Variants in PHF2 observed in about 807,000 individuals in gnomAD.
PHF2 encodes the protein lysine-specific demethylase PHF2.
Under a neutral mutation model 120.5 loss-of-function variants are expected in PHF2, and 27 were observed. The observed-to-expected ratio is 0.22, with a 90% confidence interval of 0.17 to 0.31. PHF2 has a LOEUF of 0.31. Among genes scored for constraint, PHF2 ranks in the 10% least tolerant of loss-of-function variants. The probability of loss-of-function intolerance (pLI) is 1.00; values close to 1 mark genes in which losing one functional copy is unlikely to be tolerated. For missense variants in PHF2, 1,024 were observed against 1,434.8 expected (o/e 0.71, Z 4.63); for synonymous variants, 568 against 592.5 (o/e 0.96, Z 0.60).
intron 1 of PHF2, among the ~76,000 whole-genome samples, chr9:93,617,207 C>T (rs1185373382): frequency 6.6e-6 from 1 of 152,134 alleles, no homozygotes; most frequent in African/African-American, 2.4e-5. Context: ...AACCCCTAGC[C>T]CACTCAAGTC....
chr9:93,665,537 T>C, intron 14 of PHF2, 149 bp from the exon 15 acceptor site: 1 of 819,544 alleles, frequency 1.2e-6, no homozygotes, highest in Non-Finnish European at 1.9e-6. Context: ...CTGAGGCTTC[T>C]TCGGATGGAA....
At chr9:93,639,870 C>CT (rs1462196519) in intron 3 of PHF2, among the ~76,000 whole-genome samples, 2 of 152,210 alleles carry the variant, frequency 1.3e-5, no homozygotes, top group Non-Finnish European at 2.9e-5. Context: ...GGCTGCAGCA[C>CT]TTGGGAGTGG....
Position 93,656,881 on chromosome 9 carries a change from A to G in PHF2, c.1147+286A>G, listed in dbSNP as rs1402183319. Among the ~76,000 whole-genome samples, 1 of 152,120 alleles carries G rather than the reference A, an allele frequency of 6.6e-6. No individual in the cohort carries two copies. Among genetic ancestry groups the G allele is most frequent in the South Asian group, 2.1e-4 (1 of 4,828 alleles). On this transcript the variant is annotated intron_variant, in intron 9 of 21. Coordinates refer to ENST00000359246, the MANE Select transcript of PHF2 (RefSeq NM_005392.4). The surrounding 1 kb of genome is among the most constrained non-coding windows in gnomAD (Gnocchi z 4.1). ...GTGCATGGCCTCAGTGCAGGTATCA[A>G]TCACACCTGCTCCACCCTCCACACT...
intron 1 of PHF2, among the ~76,000 whole-genome samples, chr9:93,604,846 T>A (rs1175811900): frequency 6.6e-6 from 1 of 150,530 alleles, no homozygotes; most frequent in African/African-American, 2.5e-5. Flanking sequence ...GCCTTTTTTT[T>A]AGCATTTCCT....
At chr9:93,655,023 A>G (rs1015257769) in intron 7 of PHF2, among the ~76,000 whole-genome samples, 1 of 152,212 alleles carries the variant, frequency 6.6e-6, no homozygotes, top group Non-Finnish European at 1.5e-5. Context: ...ATAGTAGGGG[A>G]CATTTTGAGT....
intron 17 of PHF2, among the ~76,000 whole-genome samples, chr9:93,671,960 T>C (rs1418495808): frequency 9.5e-5 from 5 of 52,660 alleles, no homozygotes; most frequent in Non-Finnish European, 1.9e-4. Context: ...GGGAGTAGGG[T>C]CAGGTGTAGA....
In PHF2 at chr9:93,588,352, T is replaced by C. The variant is rs114986180; in HGVS notation, c.98+11481T>C. On this transcript the variant is annotated intron_variant, in intron 1 of 21. Transcript: ENST00000359246. ...GAGGGGAGCAGCTCCAGGTGAGCTC[T>C]GGAGTCAGCTAGGGTGAGAGGTCCG... 8.6e-3 allele frequency among the ~76,000 whole-genome samples: 1,305 copies of C among 152,308 alleles called. 10 individuals are homozygous for C. The highest frequency in any genetic ancestry group is 0.029 in the African/African-American group (1,218 of 41,558).
intron 3 of PHF2, among the ~76,000 whole-genome samples, chr9:93,640,922 T>G (rs1826163025): frequency 6.6e-6 from 1 of 152,216 alleles, no homozygotes; most frequent in Non-Finnish European, 1.5e-5. Context: ...TCTAGTTTGT[T>G]TGTTTGTTTT....
chr9:93,679,182 C>G lies in PHF2; in HGVS notation c.*1506C>G, dbSNP rs1338802268. 1.1e-5 allele frequency: 5 copies of G among 453,778 alleles called. No individual in the cohort carries two copies. The highest frequency in any genetic ancestry group is 2.2e-5 in the Non-Finnish European group (5 of 226,382). The allele number at this position is 453,778 out of a possible 1,614,324, so 28.1% of individuals were successfully genotyped here. A position where few individuals can be genotyped will look rare whatever the true frequency, so the allele number is the denominator to read the frequency against. On this transcript the variant is annotated 3_prime_UTR_variant, in exon 22 of 22. Transcript: ENST00000359246. ...TGAGCTTTGTTTATATACCCATTAC[C>G]TGGATGTTTTTGTCCACTGGGAGAG...
At chr9:93,653,969 C>T (rs1180937144) in intron 6 of PHF2, among the ~76,000 whole-genome samples, 3 of 152,134 alleles carry the variant, frequency 2.0e-5, no homozygotes, top group African/African-American at 7.2e-5. Flanking sequence ...TCAGAACCTG[C>T]CTTGGCCCCA....
At chr9:93,676,278 G>T (rs939710702) in intron 20 of PHF2, among the ~76,000 whole-genome samples, 1 of 152,210 alleles carries the variant, frequency 6.6e-6, no homozygotes, top group Non-Finnish European at 1.5e-5. Flanking sequence ...GAAGTTATTA[G>T]GATCAAAGTG....
intron 1 of PHF2, among the ~76,000 whole-genome samples, chr9:93,620,281 A>G (rs1001177264): frequency 6.6e-6 from 1 of 151,944 alleles, no homozygotes; most frequent in Non-Finnish European, 1.5e-5. Flanking sequence ...GACCGTCCTC[A>G]CCCACTTCCC....
In PHF2 at chr9:93,676,953, C is replaced by T. The variant is rs201060871; in HGVS notation, c.3192C>T (p.Thr1064=). ...CCGCATCGTCTCCAAACAACAACAC[C>T]GCTGCCAAAGGTACTGTGCCTGCTG... ...RPSASSPNNN[T]AAKGKRTKKG... Residue 1064 remains threonine, a synonymous_variant, in exon 21 of 22, where the codon ACC becomes ACT. Coordinates refer to ENST00000359246, the MANE Select transcript of PHF2 (RefSeq NM_005392.4). The T allele has an allele frequency of 3.8e-5, 59 of 1,554,160 alleles. No individual in the cohort carries two copies. Among genetic ancestry groups the T allele is most frequent in the Admixed American group, 3.0e-4 (16 of 53,256 alleles).
At chr9:93,597,021 C>T (rs1324968148) in intron 1 of PHF2, among the ~76,000 whole-genome samples, 2 of 150,910 alleles carry the variant, frequency 1.3e-5, no homozygotes, top group African/African-American at 4.9e-5. Context: ...AGCTCTGCCT[C>T]CCCAGTTCAT....
chr9:93,660,457 A>C lies in PHF2; in HGVS notation c.1595A>C (p.Lys532Thr). 6.3e-7 allele frequency: 1 copy of C among 1,582,386 alleles called. No homozygotes were observed. Among genetic ancestry groups the C allele is most frequent in the Non-Finnish European group, 8.6e-7 (1 of 1,164,806 alleles). Residue 532 changes from lysine to threonine, a missense_variant, in exon 12 of 22, where the codon AAG becomes ACG. Physicochemically the swap from Lys to Thr is moderately conservative, Grantham distance 78. This residue lies in a region of PHF2 where 677 missense variants were observed against 857.4 expected (regional missense o/e 0.79). Coordinates refer to ENST00000359246, the MANE Select transcript of PHF2 (RefSeq NM_005392.4). ...KLKDGGKKKGKKSRESASPTI... is the reference protein window; with the variant it reads ...KLKDGGKKKGTKSRESASPTI... ...AAAGATGGAGGCAAGAAGAAAGGGA[A>C]GAAGTCCCGGGAGTCAGCCTCACCC... is the stretch of plus-strand genomic sequence containing the variant.
chr9:93,594,479 G>A (rs1238226267), intron 1 of PHF2, among the ~76,000 whole-genome samples: 2 of 152,198 alleles, frequency 1.3e-5, no homozygotes, highest in African/African-American at 2.4e-5. Flanking sequence ...ACTTCCCAGA[G>A]CAGCAGGGCG....
In PHF2 at chr9:93,671,253, T is replaced by C. The variant is rs1587721070; in HGVS notation, c.2349-2332T>C. ...GTGTGGGAGTAGGCACAGGTGTAGATGCAGGTGCGGGTGTGGGAGTAGGCA... is the reference window on the plus strand; with the variant it reads ...GTGTGGGAGTAGGCACAGGTGTAGACGCAGGTGCGGGTGTGGGAGTAGGCA... On this transcript the variant is annotated intron_variant, in intron 17 of 21. Transcript: ENST00000359246. 8.5e-6 allele frequency: 8 copies of C among 936,738 alleles called. No individual in the cohort carries two copies. In the South Asian group the frequency reaches 3.4e-4, roughly 40 times the overall value. 58.0% of individuals were successfully genotyped at this position (936,738 alleles called of 1,614,324 possible).
chr9:93,583,361 T>C (rs1314337221), intron 1 of PHF2, among the ~76,000 whole-genome samples: 1 of 152,250 alleles, frequency 6.6e-6, no homozygotes, highest in Non-Finnish European at 1.5e-5. Flanking sequence ...TATATGGTGC[T>C]GCTATAAACA....
intron 1 of PHF2, among the ~76,000 whole-genome samples, chr9:93,600,665 G>T (rs1825422881): frequency 6.6e-6 from 1 of 152,244 alleles, no homozygotes; most frequent in Non-Finnish European, 1.5e-5. Context: ...ATGTGGGAGG[G>T]CTGGGTAAAT....
Sources: gnomAD v4.1 joint callset for allele counts (sites outside exome capture counted in the v4.1 genomes callset) on GRCh38, gnomAD v4.1.1 for gene constraint, gnomAD v4.1.1 regional missense constraint, Gnocchi (gnomAD v3.1) non-coding constraint, MANE v1.5 for transcripts, NCBI Gene and HGNC (gene_info 2026-07-23, HGNC 2026-07-21) for gene names.